Variants in ATP8A1 observed in about 807,000 individuals in gnomAD.
The protein encoded by ATP8A1 is ATPase phospholipid transporting 8A1.
Under a neutral mutation model 177.7 loss-of-function variants are expected in ATP8A1, and 90 were observed. That is an observed-to-expected ratio of 0.51 (90% confidence interval 0.43 to 0.60). ATP8A1 has a LOEUF of 0.60. ATP8A1 is among the 20% of genes least tolerant of loss of function. The probability of loss-of-function intolerance (pLI) is 0.00; values close to 1 mark genes in which losing one functional copy is unlikely to be tolerated. For missense variants in ATP8A1, 1,072 were observed against 1,392.8 expected, an observed-to-expected ratio of 0.77 and a Z score of 3.67; for synonymous variants, 493 against 485.9, an observed-to-expected ratio of 1.01 and a Z score of -0.19.
intron 12 of ATP8A1, among the ~76,000 whole-genome samples, chr4:42,576,943 T>G (rs1001196822): frequency 6.6e-6 from 1 of 152,190 alleles, no homozygotes; most frequent in African/African-American, 2.4e-5. Flanking sequence ...GAAACAAGAT[T>G]AAGCATTTTC....
chr4:42,557,260 T>A (rs1270096749), intron 15 of ATP8A1, among the ~76,000 whole-genome samples: 1 of 152,188 alleles, frequency 6.6e-6, no homozygotes, highest in African/African-American at 2.4e-5. Context: ...ATCATCATTA[T>A]CATTATTTCT....
chr4:42,437,356 T>C (rs148309726), intron 33 of ATP8A1, among the ~76,000 whole-genome samples: 1,902 of 152,318 alleles, frequency 0.012, 16 homozygotes, highest in Non-Finnish European at 0.021. Flanking sequence ...CATATGTTTA[T>C]ATAACATAGC....
chr4:42,442,366 C>G lies in ATP8A1; in HGVS notation c.3123+1199G>C, dbSNP rs150911884. Among the ~76,000 whole-genome samples the G allele has an allele frequency of 1.0e-3, 155 of 152,308 alleles. 1 individual carries two copies. Among genetic ancestry groups the G allele is most frequent in the East Asian group, 2.3e-3 (12 of 5,192 alleles). ...CAAATGTCATAATCAGATACATACA[C>G]ATGCACATACTTTTTTTCCTTCAGT... On this transcript the variant is annotated intron_variant, in intron 33 of 36. Transcript: ENST00000381668.
At chr4:42,615,668 C>G (rs1166516678) in intron 5 of ATP8A1, among the ~76,000 whole-genome samples, 2 of 152,142 alleles carry the variant, frequency 1.3e-5, no homozygotes, top group Non-Finnish European at 2.9e-5. Flanking sequence ...CAAGTGACAT[C>G]ACATGTGATT....
At position 42,656,830 on chromosome 4, in the gene ATP8A1, G is replaced by A. The variant is rs1741685320; in HGVS notation, c.44C>T (p.Ala15Val). Residue 15 changes from alanine to valine, a missense_variant, in exon 1 of 37, where the codon GCC becomes GTC. Ala to Val is a moderately conservative substitution (Grantham distance 64, BLOSUM62 0). Around this residue, in one of 5 missense-constraint regions of ATP8A1, gnomAD observed 344 missense variants for 393.5 expected, o/e 0.87. Transcript: ENST00000381668. ...GAGCCTCGGCGGCCCCTTACCTTCGGCGCGCGAGCGGATCTCCGACACGGT... is the reference window on the plus strand; with the variant it reads ...GAGCCTCGGCGGCCCCTTACCTTCGACGCGCGAGCGGATCTCCGACACGGT... ...RRTVSEIRSR[A>V]EGYEKTDDVS... 1.9e-6 allele frequency: 3 copies of A among 1,579,280 alleles called. No homozygotes were observed. Among genetic ancestry groups the A allele is most frequent in the Admixed American group, 1.8e-5 (1 of 56,866 alleles).
chr4:42,628,447 G>A (rs1380748), intron 1 of ATP8A1, among the ~76,000 whole-genome samples: 143,454 of 152,100 alleles, frequency 0.94, 68,158 homozygotes, highest in East Asian at 1. Context: ...GAGGAAGCAC[G>A]CAGGCCAGGT....
At chr4:42,555,139 A>ATCTAACT (rs1553903246) in intron 16 of ATP8A1, among the ~76,000 whole-genome samples, 1 of 59,528 alleles carries the variant, frequency 1.7e-5, no homozygotes, top group African/African-American at 7.0e-5. Context: ...CTATCTATCT[A>ATCTAACT]ATCTATCTAT....
At chr4:42,548,959 A>T (rs2153209602) in intron 19 of ATP8A1, 54 bp downstream of exon 19, 1 of 1,390,316 alleles carries the variant, frequency 7.2e-7, no homozygotes, top group Admixed American at 2.1e-5. Context: ...GGGAAAAAAT[A>T]AAAATGGATA....
chr4:42,448,401 C>CTTTTTTTCTTTT (rs1553875017), intron 30 of ATP8A1, among the ~76,000 whole-genome samples: 8 of 99,558 alleles, frequency 8.0e-5, no homozygotes, highest in African/African-American at 2.8e-4. Flanking sequence ...TCTTTCTTTT[C>CTTTTTTTCTTTT]TTTTTTTTTT....
rs570939645 is a variant in ATP8A1, at chr4:42,474,359, G to C, written c.2325-9283C>G. ...CCTGTTTGAGCTGACCAGCATGAGT[G>C]GGGTGAGACTGGGCTGGATGGAGCC... On this transcript the variant is annotated intron_variant, in intron 25 of 36. Transcript: ENST00000381668. Among the ~76,000 whole-genome samples the C allele has an allele frequency of 2.6e-5, 4 of 152,274 alleles. No homozygotes were observed. In the South Asian group the frequency reaches 8.3e-4, roughly 32 times the overall value.
intron 25 of ATP8A1, among the ~76,000 whole-genome samples, chr4:42,469,583 T>C (rs773531078): frequency 1.3e-5 from 2 of 152,346 alleles, no homozygotes; most frequent in Non-Finnish European, 2.9e-5. Context: ...TTTGATATGA[T>C]TGCCCCTCTT....
In ATP8A1 at chr4:42,590,810, C is replaced by A; in HGVS notation, c.524+1G>T. On this transcript the variant is annotated splice_donor_variant, in intron 7 of 36. Transcript: ENST00000381668. LOFTEE classifies it high-confidence loss of function. ...ATCCTATACGACTCAGTGGTTCTAA[C>A]CTTGAGGACAGACTGATGAGATCTG... 6.2e-7 allele frequency: 1 copy of A among 1,613,742 alleles called. No individual in the cohort carries two copies. The highest frequency in any genetic ancestry group is 8.5e-7 in the Non-Finnish European group (1 of 1,179,814).
chr4:42,609,433 T>C (rs1399346889), intron 5 of ATP8A1, among the ~76,000 whole-genome samples: 1 of 152,196 alleles, frequency 6.6e-6, no homozygotes, highest in Admixed American at 6.5e-5. Context: ...CTCACAGTCA[T>C]GAGTCCCTCA....
In ATP8A1 at chr4:42,440,380, C is replaced by G. The variant is rs530995056; in HGVS notation, c.3123+3185G>C. Among the ~76,000 whole-genome samples the G allele has an allele frequency of 5.5e-5, 8 of 146,004 alleles. No homozygotes were observed. In the East Asian group the frequency reaches 1.7e-3, roughly 30 times the overall value. ...TTAATCTGACTATGAGTAAATGCCA[C>G]AAGGCTTTATGGGAAACACAACTGA... On this transcript the variant is annotated intron_variant, in intron 33 of 36. Coordinates refer to ENST00000381668, the MANE Select transcript of ATP8A1 (RefSeq NM_006095.2).
At chr4:42,588,196 A>C in intron 8 of ATP8A1, 64 bp downstream of exon 8, 1 of 1,362,670 alleles carries the variant, frequency 7.3e-7, no homozygotes, top group Non-Finnish European at 1.0e-6. Context: ...ACACAAAGAA[A>C]GAAGCTCTTA....
chr4:42,646,446 T>C (rs1239345248), intron 1 of ATP8A1, among the ~76,000 whole-genome samples: 1 of 152,192 alleles, frequency 6.6e-6, no homozygotes, highest in African/African-American at 2.4e-5. Context: ...AAAAAGACGG[T>C]CTGTAGAAGC....
intron 20 of ATP8A1, among the ~76,000 whole-genome samples, chr4:42,526,566 T>G (rs1194849059): frequency 6.6e-6 from 1 of 152,208 alleles, no homozygotes; most frequent in Non-Finnish European, 1.5e-5. Flanking sequence ...TCTCCCGTGC[T>G]GGATGCTTCC....
chr4:42,649,360 G>A (rs926021321), intron 1 of ATP8A1, among the ~76,000 whole-genome samples: 1 of 152,102 alleles, frequency 6.6e-6, no homozygotes, highest in East Asian at 1.9e-4. Flanking sequence ...TAAAAATAAT[G>A]CAGATTACCT....
intron 14 of ATP8A1, among the ~76,000 whole-genome samples, chr4:42,571,704 T>C (rs1429050469): frequency 1.3e-5 from 2 of 152,172 alleles, no homozygotes; most frequent in African/African-American, 4.8e-5. Flanking sequence ...ATATCACAAT[T>C]CACTTACATT....
Sources: gnomAD v4.1 joint callset for allele counts (sites outside exome capture counted in the v4.1 genomes callset) on GRCh38, gnomAD v4.1.1 for gene constraint, gnomAD v4.1.1 regional missense constraint, MANE v1.5 for transcripts, NCBI Gene and HGNC (gene_info 2026-07-23, HGNC 2026-07-21) for gene names.